Variants in TNN observed in about 807,000 individuals in gnomAD.
The protein encoded by TNN is tenascin N, also known as tenascin-N.
A neutral mutation model predicts 134.4 loss-of-function variants in TNN; 122 were observed. The ratio of observed to expected loss-of-function variants is 0.91; its 90% CI spans 0.78 to 1.06. The LOEUF is 1.06. Among genes scored for constraint, TNN ranks in the 50% least tolerant of loss-of-function variants. TNN has a pLI of 0.00. For missense variants in TNN, 1,739 were observed against 1,699.4 expected (o/e 1.02, Z -0.41); for synonymous variants, 710 against 670.3 (o/e 1.06, Z -0.91).
At chr1:175,072,575 C>A (rs1321631169) in intron 1 of TNN, among the ~76,000 whole-genome samples, 1 of 152,206 alleles carries the variant, frequency 6.6e-6, no homozygotes, top group African/African-American at 2.4e-5. Flanking sequence ...TCGATGAAGT[C>A]ATCCTTCCCT....
Position 175,136,965 on chromosome 1 carries a change from T to C in TNN, c.3572T>C (p.Val1191Ala), listed in dbSNP as rs376885375. 1.2e-6 allele frequency: 2 copies of C among 1,613,954 alleles called. No homozygotes were observed. Among genetic ancestry groups the C allele is most frequent in the Non-Finnish European group, 1.7e-6 (2 of 1,179,972 alleles). Residue 1191 changes from valine (V) to alanine (A), a missense_variant, in exon 17 of 19, where the codon GTT becomes GCT. Val to Ala is a moderately conservative substitution (Grantham distance 64). Coordinates refer to ENST00000239462, the MANE Select transcript of TNN (RefSeq NM_022093.2). ...AGCAAGGAGCGGTATAAGCTGACAG[T>C]TGGGAAATACAGAGGCACGGCAGGT... Reference protein sequence around the residue: ...ASSKERYKLTVGKYRGTAGDA... With the variant: ...ASSKERYKLTAGKYRGTAGDA...
intron 9 of TNN, among the ~76,000 whole-genome samples, chr1:175,104,531 C>T (rs1464524458): frequency 6.9e-6 from 1 of 145,842 alleles, no homozygotes; most frequent in Non-Finnish European, 1.5e-5. Flanking sequence ...AGGTGATTGG[C>T]CTGCTCCATT....
intron 12 of TNN, among the ~76,000 whole-genome samples, chr1:175,124,471 A>G (rs1304928382): frequency 6.6e-6 from 1 of 152,184 alleles, no homozygotes; most frequent in African/African-American, 2.4e-5. Flanking sequence ...ACCTGAGGTC[A>G]GGAGTTTGAG....
At chr1:175,123,294 A>T in intron 11 of TNN, 106 bp from the exon 12 acceptor site, 1 of 1,318,614 alleles carries the variant, frequency 7.6e-7, no homozygotes, top group Non-Finnish European at 1.1e-6. Flanking sequence ...GTGGAATTCT[A>T]CCATTATTAA....
At chr1:175,136,764 G>A in intron 16 of TNN, 57 bp from the exon 17 acceptor site, 2 of 1,543,918 alleles carry the variant, frequency 1.3e-6, no homozygotes, top group Non-Finnish European at 1.8e-6. Context: ...CACATGTTGA[G>A]TGCTTACTCG....
chr1:175,126,665 C>A (rs1026778199), intron 12 of TNN, among the ~76,000 whole-genome samples: 2 of 152,098 alleles, frequency 1.3e-5, no homozygotes, highest in African/African-American at 2.4e-5. Context: ...CCAATCTAGG[C>A]TGTTAATATC....
chr1:175,085,712 TA>T (rs1674309298), intron 6 of TNN, among the ~76,000 whole-genome samples: 1 of 151,892 alleles, frequency 6.6e-6, no homozygotes. Flanking sequence ...CTGTCTCTAC[TA>T]AAAATACAAA....
chr1:175,088,399 A>T (rs539051907), intron 6 of TNN, among the ~76,000 whole-genome samples: 1 of 152,060 alleles, frequency 6.6e-6, no homozygotes, highest in Admixed American at 6.5e-5. Flanking sequence ...AAAACCAAAC[A>T]TGTGTTTCTT....
chr1:175,125,963 TTCTCTCTC>T (rs151299690), intron 12 of TNN, among the ~76,000 whole-genome samples: 6 of 140,328 alleles, frequency 4.3e-5, no homozygotes, highest in East Asian at 2.1e-4. Context: ...CTTTCTTTCC[TTCTCTCTC>T]TCTCTCTCTC....
Position 175,135,928 on chromosome 1 carries a change from G to A in TNN, c.3414G>A (p.Lys1138=). The A allele has an allele frequency of 3.7e-6, 6 of 1,612,784 alleles. No individual in the cohort carries two copies. Among genetic ancestry groups the A allele is most frequent in the Non-Finnish European group, 5.1e-6 (6 of 1,179,004 alleles). Residue 1138 remains lysine, a synonymous_variant, in exon 16 of 19, where the codon AAG becomes AAA. Transcript: ENST00000239462. ...TGGAAGGCTTTGGGGACCCCATGAA[G>A]GAGTTCTGGCTTGGTATGATCTCAG... is the stretch of plus-strand genomic sequence containing the variant. The part of the protein sequence containing the change: ...SYVEGFGDPM[K]EFWLGLDKLH...
In TNN at chr1:175,079,426, GGCTGGCCT is replaced by G; in HGVS notation, c.506_513del (p.Leu169ProfsTer19). Reference sequence around the variant, plus strand: ...GGCAGGGAGGGCCCCGCCTGCGAGCGGCTGGCCTGCCCCGGGGCGTGCAGCGGCCACGG... The same window carrying G: ...GGCAGGGAGGGCCCCGCCTGCGAGCGGCCCCGGGGCGTGCAGCGGCCACGG... On this transcript the variant is annotated frameshift_variant, in exon 3 of 19. Transcript: ENST00000239462. LOFTEE classifies it high-confidence loss of function. 1 of 1,586,742 alleles carries G rather than the reference GGCTGGCCT, an allele frequency of 6.3e-7. No homozygotes were observed. Among genetic ancestry groups the G allele is most frequent in the Non-Finnish European group, 8.5e-7 (1 of 1,169,952 alleles).
At chr1:175,090,018 T>C (rs868201494) in intron 6 of TNN, among the ~76,000 whole-genome samples, 12 of 152,204 alleles carry the variant, frequency 7.9e-5, no homozygotes, top group Admixed American at 1.3e-4. Context: ...CAACAATCTC[T>C]ATCATTTGCG....
At chr1:175,072,232 T>C (rs896509841) in intron 1 of TNN, among the ~76,000 whole-genome samples, 1 of 152,144 alleles carries the variant, frequency 6.6e-6, no homozygotes, top group African/African-American at 2.4e-5. Flanking sequence ...CTGAGTCTAA[T>C]GTATCCCTCC....
intron 1 of TNN, among the ~76,000 whole-genome samples, chr1:175,068,204 T>C (rs2149423580): frequency 6.6e-6 from 1 of 152,336 alleles, no homozygotes; most frequent in African/African-American, 2.4e-5. Flanking sequence ...GCGTCTGTGT[T>C]GTATCAGCTT....
intron 14 of TNN, 30 bp downstream of exon 14, chr1:175,128,194 C>T (rs764975093): frequency 9.8e-5 from 152 of 1,553,604 alleles, no homozygotes; most frequent in Non-Finnish European, 1.2e-4. Flanking sequence ...TCTGAACGAC[C>T]GTGCAATGAG....
chr1:175,083,686 G>C, intron 4 of TNN, 64 bp from the exon 5 acceptor site: 1 of 1,514,108 alleles, frequency 6.6e-7, no homozygotes, highest in Non-Finnish European at 9.0e-7. Context: ...CCAACAGCCT[G>C]TCACAGAACC....
At chr1:175,091,987 G>A (rs1449136142) in intron 6 of TNN, among the ~76,000 whole-genome samples, 1 of 152,186 alleles carries the variant, frequency 6.6e-6, no homozygotes, top group Non-Finnish European at 1.5e-5. Context: ...CACCAATCTG[G>A]GGCAGGGAGA....
In TNN at chr1:175,127,027, C is replaced by T. The variant is rs773718673; in HGVS notation, c.2987C>T (p.Pro996Leu). 3 of 1,614,060 alleles carry T rather than the reference C, an allele frequency of 1.9e-6. No homozygotes were observed. The highest frequency in any genetic ancestry group is 2.2e-5 in the East Asian group (1 of 44,888). ...QSGGILTWTP[P>L]SAQIHGYILT... is the part of the protein sequence containing the mutation. ...GGTGGCATATTGACCTGGACGCCCC[C>T]CTCTGCTCAGATCCACGGCTACATT... The change falls in exon 13 of 19, where the codon CCC becomes CTC. Residue 996 changes from proline to leucine, a missense_variant. Physicochemically the swap from Pro to Leu is moderately conservative, Grantham distance 98. Transcript: ENST00000239462.
chr1:175,093,928 TCTATGATCTTGACTAAC>T, intron 6 of TNN, 45 bp from the exon 7 acceptor site: 48 of 1,535,428 alleles, frequency 3.1e-5, no homozygotes, highest in Non-Finnish European at 4.1e-5. Flanking sequence ...TCTTTAACAA[TCTATGATCTTGACTAAC>T]CAACTGGTTT....
Sources: allele counts gnomAD v4.1 joint callset (sites outside exome capture counted in the v4.1 genomes callset), GRCh38; gene constraint gnomAD v4.1.1; transcripts MANE v1.5; gene names NCBI Gene and HGNC (gene_info 2026-07-23, HGNC 2026-07-21).